ARAP3: variants seen among roughly 807,000 people sequenced by gnomAD.
The protein encoded by ARAP3 is ArfGAP with RhoGAP domain, ankyrin repeat and PH domain 3.
A neutral mutation model predicts 169.2 loss-of-function variants in ARAP3; 82 were observed. The observed-to-expected ratio is 0.48, with a 90% confidence interval of 0.41 to 0.58. The LOEUF (loss-of-function observed/expected upper bound fraction) is 0.58, where lower values mean the gene tolerates loss of function less well. Ranked by LOEUF, ARAP3 falls within the 20% of genes least tolerant of loss-of-function variation. The probability of loss-of-function intolerance (pLI) is 0.00; values close to 1 mark genes in which losing one functional copy is unlikely to be tolerated. For missense variants in ARAP3, 1,764 were observed against 2,018.0 expected, an observed-to-expected ratio of 0.87 and a Z score of 2.41; for synonymous variants, 791 against 800.3, an observed-to-expected ratio of 0.99 and a Z score of 0.20.
At chr5:141,654,521 G>A (rs2099908937) in intron 32 of ARAP3, 86 bp from the exon 33 acceptor site, 1 of 1,489,902 alleles carries the variant, frequency 6.7e-7, no homozygotes, top group Non-Finnish European at 8.9e-7. Context: ...CTCTTCCTCT[G>A]GGCCAGATGC....
At chr5:141,673,298 G>GCCC (rs1467963658) in intron 6 of ARAP3, 103 bp downstream of exon 6, 1 of 1,552,048 alleles carries the variant, frequency 6.4e-7, no homozygotes, top group Non-Finnish European at 8.8e-7. Flanking sequence ...TGCAGTCACT[G>GCCC]CCCCGCCCAC....
intron 4 of ARAP3, among the ~76,000 whole-genome samples, chr5:141,676,177 G>A (rs749325220): frequency 1.3e-5 from 2 of 152,082 alleles, no homozygotes; most frequent in East Asian, 1.9e-4. Context: ...GTGAAACCCC[G>A]TCTCTACTAA....
intron 19 of ARAP3, among the ~76,000 whole-genome samples, chr5:141,662,800 T>TAG (rs1328889594): frequency 6.6e-6 from 1 of 152,228 alleles, no homozygotes; most frequent in East Asian, 1.9e-4. Flanking sequence ...AAATGCTGTC[T>TAG]AGTGTTTCTA....
At chr5:141,680,590 A>G (rs2099912824) in intron 1 of ARAP3, 87 bp from the exon 2 acceptor site, 6 of 1,442,140 alleles carry the variant, frequency 4.2e-6, no homozygotes, top group African/African-American at 1.4e-5. Context: ...AGTGAGCACC[A>G]GCCTCCAATC....
chr5:141,675,439 G>A (rs904943425), intron 4 of ARAP3, among the ~76,000 whole-genome samples: 1 of 151,814 alleles, frequency 6.6e-6, no homozygotes, highest in African/African-American at 2.4e-5. Flanking sequence ...AAATAAAAAA[G>A]GCTGGGCGTG....
chr5:141,657,788 C>T (rs1243206883), intron 25 of ARAP3, among the ~76,000 whole-genome samples: 4 of 151,964 alleles, frequency 2.6e-5, no homozygotes, highest in Non-Finnish European at 5.9e-5. Flanking sequence ...AATTGTGGTA[C>T]CATTTACTGA....
chr5:141,672,594 T>C lies in ARAP3; in HGVS notation c.1343A>G (p.Lys448Arg), dbSNP rs752644776. 24 of 1,613,988 alleles carry C rather than the reference T, an allele frequency of 1.5e-5. No individual in the cohort carries two copies. The highest frequency in any genetic ancestry group is 1.7e-5 in the Non-Finnish European group (20 of 1,179,960). The stretch of plus-strand genomic sequence containing the variant: ...TGTGAGCAGGTCAAAGCTTCGACTC[T>C]TGGTCTCCCGGACGCTGCAGCCCTG... ...ELQGCSVRET[K>R]SRSFDLLTPH... The change falls in exon 9 of 33, where the codon AAG (lysine) becomes AGG (arginine). Residue 448 changes from lysine to arginine, a missense_variant. Coordinates refer to ENST00000239440, the MANE Select transcript of ARAP3 (RefSeq NM_022481.6). This position sits in a 1 kb window ranked among gnomAD's most constrained non-coding sequence, Gnocchi z 4.9.
intron 19 of ARAP3, among the ~76,000 whole-genome samples, chr5:141,662,728 G>A (rs2099910132): frequency 6.6e-6 from 1 of 152,154 alleles, no homozygotes; most frequent in Non-Finnish European, 1.5e-5. Flanking sequence ...TATATTTACA[G>A]CCATATTTTT....
At chr5:141,665,895 G>C (rs1031029963) in intron 17 of ARAP3, among the ~76,000 whole-genome samples, 2 of 151,884 alleles carry the variant, frequency 1.3e-5, no homozygotes, top group African/African-American at 4.8e-5. Flanking sequence ...GCTGGGCGTG[G>C]TGGCGGACAC....
At chr5:141,665,590 T>C (rs2099910519) in intron 17 of ARAP3, among the ~76,000 whole-genome samples, 1 of 152,208 alleles carries the variant, frequency 6.6e-6, no homozygotes, top group Admixed American at 6.5e-5. Flanking sequence ...TGCTATAAAA[T>C]GGCAAGGCTG....
intron 21 of ARAP3, among the ~76,000 whole-genome samples, chr5:141,660,219 G>A (rs2099909752): frequency 2.0e-5 from 3 of 152,178 alleles, no homozygotes; most frequent in African/African-American, 2.4e-5. Flanking sequence ...TGGGCCGGGC[G>A]CGGTGGCTCA....
Position 141,654,741 on chromosome 5 carries a change from CT to C in ARAP3, c.4150-307del, listed in dbSNP as rs1351285657. 6.2e-3 allele frequency among the ~76,000 whole-genome samples: 872 copies of C among 141,042 alleles called. 5 individuals are homozygous for C. Among genetic ancestry groups the C allele is most frequent in the African/African-American group, 0.011 (432 of 38,538 alleles). The allele number at this position is 141,042 out of a possible 152,430, so 92.5% of individuals were successfully genotyped here. ...TCACAGATTCTGTGACAACTTTTTC[CT>C]TTTTTTTTTTTTTTGAGACAGAGTT... On this transcript the variant is annotated intron_variant, in intron 32 of 32. Coordinates refer to ENST00000239440, the MANE Select transcript of ARAP3 (RefSeq NM_022481.6).
At chr5:141,655,454 A>G in intron 31 of ARAP3, 54 bp from the exon 32 acceptor site, 1 of 1,582,018 alleles carries the variant, frequency 6.3e-7, no homozygotes, top group Non-Finnish European at 8.6e-7. Context: ...AGACACAGTG[A>G]GGACTAGCAA....
intron 17 of ARAP3, among the ~76,000 whole-genome samples, chr5:141,666,091 A>T (rs1004677135): frequency 2.6e-5 from 4 of 151,466 alleles, no homozygotes; most frequent in African/African-American, 9.7e-5. Context: ...TTTATTGAGC[A>T]CTTAAAAAAT....
chr5:141,658,233 C>T, intron 25 of ARAP3, 132 bp downstream of exon 25: 1 of 859,236 alleles, frequency 1.2e-6, no homozygotes. Flanking sequence ...TGTCCCCTCG[C>T]ATGGATGAGT....
intron 16 of ARAP3, among the ~76,000 whole-genome samples, chr5:141,667,807 C>T (rs1228172604): frequency 2.0e-5 from 3 of 150,652 alleles, no homozygotes; most frequent in Non-Finnish European, 4.4e-5. Context: ...TTTGGGAGGC[C>T]GAGGCAGGCA....
intron 16 of ARAP3, among the ~76,000 whole-genome samples, chr5:141,667,822 A>G (rs1044236726): frequency 6.0e-5 from 9 of 149,958 alleles, no homozygotes; most frequent in African/African-American, 2.2e-4. Flanking sequence ...CAGGCAGATC[A>G]CCTGAGGTCA....
intron 23 of ARAP3, among the ~76,000 whole-genome samples, chr5:141,658,990 G>A (rs1029964278): frequency 6.6e-6 from 1 of 152,168 alleles, no homozygotes; most frequent in Non-Finnish European, 1.5e-5. Context: ...TCATGGAGTT[G>A]TATCATACTA....
chr5:141,668,040 CT>C (rs1279736724), intron 16 of ARAP3, among the ~76,000 whole-genome samples: 1 of 151,594 alleles, frequency 6.6e-6, no homozygotes, highest in Non-Finnish European at 1.5e-5. Flanking sequence ...GAAACTCCAT[CT>C]CAAAAAGAAA....
Sources: gnomAD v4.1 joint callset for allele counts (sites outside exome capture counted in the v4.1 genomes callset) on GRCh38, gnomAD v4.1.1 for gene constraint, Gnocchi (gnomAD v3.1) non-coding constraint, MANE v1.5 for transcripts, NCBI Gene and HGNC (gene_info 2026-07-23, HGNC 2026-07-21) for gene names.